Variants in RAB11FIP2 observed in about 807,000 individuals in gnomAD.
RAB11FIP2 encodes the protein RAB11 family interacting protein 2.
In RAB11FIP2, 16 loss-of-function variants were observed where a neutral mutation model predicts 40.9. That is an observed-to-expected ratio of 0.39 (90% CI 0.26 to 0.59). The LOEUF is 0.59. Among genes scored for constraint, RAB11FIP2 ranks in the 20% least tolerant of loss-of-function variants. The pLI is 0.53. For synonymous variants in RAB11FIP2, 228 were observed against 213.7 expected (o/e 1.07, Z -0.58); for missense variants, 532 against 606.2 (o/e 0.88, Z 1.28).
intron 4 of RAB11FIP2, among the ~76,000 whole-genome samples, chr10:118,010,330 T>G (rs971590560): frequency 6.6e-6 from 1 of 152,140 alleles, no homozygotes; most frequent in Non-Finnish European, 1.5e-5. Flanking sequence ...GAAACTTAAC[T>G]AAAATATTGA....
At chr10:118,040,648 G>C in intron 1 of RAB11FIP2, 83 bp from the exon 2 acceptor site, 1 of 1,022,722 alleles carries the variant, frequency 9.8e-7, no homozygotes, top group Non-Finnish European at 1.4e-6. Context: ...TAGCCTTTTA[G>C]GTAAAGTAAC....
At position 118,010,162 on chromosome 10, in the gene RAB11FIP2, T is replaced by C. The variant is rs116126661; in HGVS notation, c.1312-937A>G. Among the ~76,000 whole-genome samples the C allele has an allele frequency of 6.5e-3, 993 of 152,294 alleles. 15 individuals carry two copies. Among genetic ancestry groups the C allele is most frequent in the African/African-American group, 0.023 (946 of 41,572 alleles). On this transcript the variant is annotated intron_variant, in intron 4 of 4. Transcript: ENST00000355624. ...GCCCTGTAACATAATCTTTTATTTA[T>C]AGTGTATAGCATTAAGAGTTTTCAT...
chr10:118,033,336 C>T (rs1028981807), intron 3 of RAB11FIP2, among the ~76,000 whole-genome samples: 1 of 152,088 alleles, frequency 6.6e-6, no homozygotes, highest in Non-Finnish European at 1.5e-5. Context: ...TCCAGGAGCC[C>T]TTGATGATCA....
At chr10:118,019,961 G>A (rs1414624043) in intron 3 of RAB11FIP2, among the ~76,000 whole-genome samples, 1 of 152,098 alleles carries the variant, frequency 6.6e-6, no homozygotes, top group Admixed American at 6.5e-5. Flanking sequence ...GTATTTCATC[G>A]ATAATGAAGC....
At chr10:118,014,306 C>T (rs1419071600) in intron 4 of RAB11FIP2, among the ~76,000 whole-genome samples, 1 of 152,122 alleles carries the variant, frequency 6.6e-6, no homozygotes, top group East Asian at 1.9e-4. Context: ...CCACCAGTGT[C>T]TTGGAATAAA....
chr10:118,046,394 C>A lies in RAB11FIP2; in HGVS notation c.-231G>T. 1 of 545,994 alleles carries A rather than the reference C, an allele frequency of 1.8e-6. No individual in the cohort carries two copies. Among genetic ancestry groups the A allele is most frequent in the South Asian group, 2.4e-5 (1 of 41,832 alleles). The allele number at this position is 545,994 out of a possible 1,614,324, so 33.8% of individuals were successfully genotyped here. On this transcript the variant is annotated 5_prime_UTR_variant, in exon 1 of 5. Coordinates refer to ENST00000355624, the MANE Select transcript of RAB11FIP2 (RefSeq NM_014904.3). ...GGAGAAACACAGAGGCCCACCATCA[C>A]CTGGCCGCGCCGTGCAGGCCTCTGC...
Position 118,046,476 on chromosome 10 carries a change from G to A in RAB11FIP2, c.-313C>T. The A allele has an allele frequency of 3.6e-6, 1 of 278,858 alleles. No individual in the cohort carries two copies. The allele number at this position is 278,858 out of a possible 1,614,324, so 17.3% of individuals were successfully genotyped here. A position where few individuals can be genotyped will look rare whatever the true frequency, so the allele number is the denominator to read the frequency against. ...AGGCCTGCGGGGCACGTGAGGCCTGGCCACACGGACCCGGGCGGAGGGCTG... is the reference window on the plus strand; with the variant it reads ...AGGCCTGCGGGGCACGTGAGGCCTGACCACACGGACCCGGGCGGAGGGCTG... On this transcript the variant is annotated 5_prime_UTR_variant, in exon 1 of 5. Transcript: ENST00000355624.
chr10:118,024,034 G>A (rs1460153145), intron 3 of RAB11FIP2, among the ~76,000 whole-genome samples: 1 of 150,662 alleles, frequency 6.6e-6, no homozygotes, highest in Non-Finnish European at 1.5e-5. Flanking sequence ...AGGCTGCAGT[G>A]AGCTGAGATC....
intron 2 of RAB11FIP2, 94 bp downstream of exon 2, chr10:118,040,028 GC>G: frequency 1.6e-6 from 2 of 1,240,010 alleles, no homozygotes; most frequent in South Asian, 3.0e-5. Flanking sequence ...ATACTACAAA[GC>G]AACTGCTATT....
intron 3 of RAB11FIP2, among the ~76,000 whole-genome samples, chr10:118,036,044 T>C (rs950310229): frequency 3.9e-5 from 6 of 152,114 alleles, no homozygotes; most frequent in Non-Finnish European, 8.8e-5. Context: ...AGGCGGACTT[T>C]ACTTAACACT....
At chr10:118,026,662 T>C (rs966267502) in intron 3 of RAB11FIP2, among the ~76,000 whole-genome samples, 1 of 152,190 alleles carries the variant, frequency 6.6e-6, no homozygotes, top group Non-Finnish European at 1.5e-5. Flanking sequence ...GCCATCTGAG[T>C]TTATGAAATT....
intron 4 of RAB11FIP2, among the ~76,000 whole-genome samples, chr10:118,011,002 A>T (rs1846148256): frequency 6.6e-6 from 1 of 152,020 alleles, no homozygotes; most frequent in Non-Finnish European, 1.5e-5. Context: ...TATGGAAAAT[A>T]GGAAGCCACT....
intron 3 of RAB11FIP2, among the ~76,000 whole-genome samples, chr10:118,019,688 T>A (rs1317660710): frequency 2.6e-5 from 4 of 151,610 alleles, no homozygotes; most frequent in African/African-American, 9.7e-5. Flanking sequence ...TAGCCGGGCG[T>A]GGTGGCAGGC....
chr10:118,036,402 T>C (rs560250824), intron 3 of RAB11FIP2, among the ~76,000 whole-genome samples: 1 of 152,222 alleles, frequency 6.6e-6, no homozygotes, highest in South Asian at 2.1e-4. Flanking sequence ...GGTTAGGATG[T>C]TAATGTGAGA....
intron 3 of RAB11FIP2, chr10:118,017,835 A>C (rs140409740): frequency 2.2e-4 from 34 of 152,334 alleles, no homozygotes; most frequent in African/African-American, 7.9e-4. Flanking sequence ...TATTGCAATA[A>C]GGGTTTTCAA....
chr10:118,026,210 A>G (rs1289248148), intron 3 of RAB11FIP2, among the ~76,000 whole-genome samples: 1 of 152,216 alleles, frequency 6.6e-6, no homozygotes, highest in East Asian at 1.9e-4. Context: ...GATCTTATCC[A>G]TCTCTGTAAG....
chr10:118,039,839 G>T, intron 2 of RAB11FIP2: 1 of 396,400 alleles, frequency 2.5e-6, no homozygotes. Context: ...TATGCTCAGG[G>T]TTTTGAGATA....
rs55723398 is a variant in RAB11FIP2, at chr10:118,024,470, C to CGTGTGTGTGTGTGTGT, written c.1266-9376_1266-9361dup. ...CTACGTATCCATTAGTCATCATCAT[C>CGTGTGTGTGTGTGTGT]GTGTGTGTGTGTGTGTGTGTGTGTG... On this transcript the variant is annotated intron_variant, in intron 3 of 4. Coordinates refer to ENST00000355624, the MANE Select transcript of RAB11FIP2 (RefSeq NM_014904.3). 3.7e-3 allele frequency among the ~76,000 whole-genome samples: 486 copies of CGTGTGTGTGTGTGTGT among 131,798 alleles called. 4 individuals are homozygous for CGTGTGTGTGTGTGTGT. The highest frequency in any genetic ancestry group is 7.7e-3 in the South Asian group (27 of 3,500). 86.5% of individuals were successfully genotyped at this position (131,798 alleles called of 152,430 possible). A position where few individuals can be genotyped will look rare whatever the true frequency, so the allele number is the denominator to read the frequency against.
At position 118,040,119 on chromosome 10, in the gene RAB11FIP2, T is replaced by C. The variant is rs1297391530; in HGVS notation, c.796+4A>G. 1 of 1,610,084 alleles carries C rather than the reference T, an allele frequency of 6.2e-7. No homozygotes were observed. Among genetic ancestry groups the C allele is most frequent in the Admixed American group, 1.7e-5 (1 of 59,702 alleles). On this transcript the variant is annotated splice_donor_region_variant and intron_variant, in intron 2 of 4. Transcript: ENST00000355624. ...CAATGAGTACACAAGAATGTGACAC[T>C]TACCACTTTCTGGAACTGTTCCAAA...
Sources: gnomAD v4.1 joint callset for allele counts (sites outside exome capture counted in the v4.1 genomes callset) on GRCh38, gnomAD v4.1.1 for gene constraint, MANE v1.5 for transcripts, NCBI Gene and HGNC (gene_info 2026-07-23, HGNC 2026-07-21) for gene names.